The following WAC variants were observed in gnomAD, a reference collection of about 807,000 sequenced individuals.
WAC encodes the protein WW domain containing adaptor with coiled-coil.
In WAC, 11 loss-of-function variants were observed where a neutral mutation model predicts 79.6. The observed-to-expected ratio is 0.14, with a 90% confidence interval of 0.09 to 0.23. The LOEUF is 0.23. WAC is among the 10% of genes least tolerant of loss of function. The probability of loss-of-function intolerance (pLI) is 1.00; values close to 1 mark genes in which losing one functional copy is unlikely to be tolerated. For synonymous variants in WAC, 304 were observed against 276.9 expected (o/e 1.10, Z -0.97); for missense variants, 728 against 773.5 (o/e 0.94, Z 0.70).
At chr10:28,543,708 A>C (rs1047468584) in intron 3 of WAC, among the ~76,000 whole-genome samples, 1 of 152,262 alleles carries the variant, frequency 6.6e-6, no homozygotes, top group African/African-American at 2.4e-5. Flanking sequence ...TTGTTAGTAC[A>C]CGCTCATTGT....
chr10:28,572,380 G>T (rs1383458462), intron 3 of WAC, among the ~76,000 whole-genome samples: 1 of 150,474 alleles, frequency 6.6e-6, no homozygotes, highest in Non-Finnish European at 1.5e-5. Flanking sequence ...TGTGTGCTAT[G>T]ATGGGGGCTT....
chr10:28,534,082 A>G lies in WAC; in HGVS notation c.78+48A>G, dbSNP rs567833342. ...AGGGATTGGAAGGGGCCGGAGGGGGAAGGGAGGGACTGCTACTCGAGCGCA... is the reference window on the plus strand; with the variant it reads ...AGGGATTGGAAGGGGCCGGAGGGGGGAGGGAGGGACTGCTACTCGAGCGCA... On this transcript the variant is annotated intron_variant, in intron 2 of 13. Transcript: ENST00000354911. The G allele has an allele frequency of 8.5e-6, 13 of 1,534,836 alleles. No homozygotes were observed. In the African/African-American group the frequency reaches 1.4e-4, roughly 17 times the overall value.
chr10:28,595,920 T>G lies in WAC; in HGVS notation c.798T>G (p.Ser266Arg). The G allele has an allele frequency of 6.2e-7, 1 of 1,614,152 alleles. No individual in the cohort carries two copies. The highest frequency in any genetic ancestry group is 8.5e-7 in the Non-Finnish European group (1 of 1,180,020). ...PTATPSTVPS[S>R]PFTLQSDHQP... is the part of the protein sequence containing the mutation. ...CTACCCCAAGCACTGTTCCTTCTAG[T>G]CCATTTACGCTACAGTCTGATCACC... The change falls in exon 7 of 14, where the codon AGT (serine) becomes AGG (arginine). Residue 266 changes from serine to arginine, a missense_variant. Physicochemically the swap from Ser to Arg is moderately radical, Grantham distance 110. Coordinates refer to ENST00000354911, the MANE Select transcript of WAC (RefSeq NM_016628.5).
At chr10:28,571,124 T>C (rs1838938130) in intron 3 of WAC, among the ~76,000 whole-genome samples, 1 of 151,436 alleles carries the variant, frequency 6.6e-6, no homozygotes, top group Non-Finnish European at 1.5e-5. Flanking sequence ...CACCTGGGGT[T>C]TCGCCATGTT....
intron 3 of WAC, among the ~76,000 whole-genome samples, chr10:28,572,301 C>T (rs895718514): frequency 2.7e-5 from 4 of 146,716 alleles, no homozygotes; most frequent in Non-Finnish European, 6.0e-5. Context: ...CGCACCACTG[C>T]ACTCCAGCCT....
intron 13 of WAC, among the ~76,000 whole-genome samples, chr10:28,619,016 C>T (rs1431130642): frequency 2.6e-5 from 4 of 152,224 alleles, no homozygotes; most frequent in Non-Finnish European, 5.9e-5. Context: ...CGGTGGCTAA[C>T]GCCTGTAATC....
intron 6 of WAC, among the ~76,000 whole-genome samples, chr10:28,593,819 G>A (rs554010153): frequency 6.6e-5 from 10 of 152,030 alleles, no homozygotes; most frequent in South Asian, 6.2e-4. Flanking sequence ...TTTAATTTGC[G>A]TTTAACTGCT....
chr10:28,542,261 T>C (rs1456230534), intron 3 of WAC, among the ~76,000 whole-genome samples: 1 of 152,004 alleles, frequency 6.6e-6, no homozygotes, highest in Non-Finnish European at 1.5e-5. Context: ...ATTCTCATCA[T>C]TGTCTTTCCT....
intron 3 of WAC, among the ~76,000 whole-genome samples, chr10:28,559,072 T>A (rs750673451): frequency 2.0e-5 from 3 of 152,060 alleles, no homozygotes; most frequent in Non-Finnish European, 2.9e-5. Flanking sequence ...GGCAGCCTAG[T>A]GTGTCAAGTA....
intron 2 of WAC, among the ~76,000 whole-genome samples, chr10:28,534,976 C>A (rs1484546328): frequency 6.6e-6 from 1 of 152,120 alleles, no homozygotes; most frequent in Admixed American, 6.5e-5. Flanking sequence ...GCGCATTATG[C>A]TTAGTTAGAA....
Position 28,535,567 on chromosome 10 carries a change from T to C in WAC, c.84T>C (p.Leu28=). The C allele has an allele frequency of 6.2e-7, 1 of 1,607,684 alleles. No individual in the cohort carries two copies. Among genetic ancestry groups the C allele is most frequent in the Admixed American group, 1.7e-5 (1 of 59,114 alleles). ...GGGGGGGTGATGTTTTACAGGCACTTAAGTATTCATCGAAGAGTCACCCCA... is the reference window on the plus strand; with the variant it reads ...GGGGGGGTGATGTTTTACAGGCACTCAAGTATTCATCGAAGAGTCACCCCA... The part of the protein sequence containing the change: ...RRGDSQPYQA[L]KYSSKSHPSS... The change falls in exon 3 of 14, where the codon CTT becomes CTC. Residue 28 remains leucine, a synonymous_variant. Transcript: ENST00000354911.
chr10:28,546,573 T>A (rs889712358), intron 3 of WAC, among the ~76,000 whole-genome samples: 2 of 152,226 alleles, frequency 1.3e-5, no homozygotes, highest in African/African-American at 2.4e-5. Flanking sequence ...GATTTTTTTT[T>A]AAAGAATAAT....
At chr10:28,569,267 G>A (rs1182873269) in intron 3 of WAC, among the ~76,000 whole-genome samples, 2 of 152,100 alleles carry the variant, frequency 1.3e-5, no homozygotes, top group Admixed American at 6.6e-5. Context: ...ATAGATTTAT[G>A]AGAATTTCGT....
intron 11 of WAC, chr10:28,615,903 C>T (rs1445633947): frequency 6.3e-6 from 2 of 318,676 alleles, no homozygotes; most frequent in South Asian, 9.1e-5. Context: ...GTTTGTGGTA[C>T]ACAAAGTTAA....
At chr10:28,591,086 A>G (rs763393772) in intron 6 of WAC, 138 of 369,724 alleles carry the variant, frequency 3.7e-4, no homozygotes, top group Non-Finnish European at 6.0e-4. Context: ...AAACAGTAAA[A>G]TTTTGTTTTG....
chr10:28,555,427 A>G (rs1210077708), intron 3 of WAC, among the ~76,000 whole-genome samples: 2 of 75,836 alleles, frequency 2.6e-5, no homozygotes, highest in African/African-American at 1.1e-4. Flanking sequence ...TTTAAAGCAC[A>G]GTAAGGAAGA....
intron 3 of WAC, among the ~76,000 whole-genome samples, chr10:28,578,791 G>A (rs1310191248): frequency 1.3e-5 from 2 of 151,988 alleles, no homozygotes; most frequent in Non-Finnish European, 2.9e-5. Context: ...TGCCAAATAG[G>A]GATTATTCTG....
At position 28,606,433 on chromosome 10, in the gene WAC, A is replaced by G. The variant is rs146101852; in HGVS notation, c.920-1753A>G. 2.7e-3 allele frequency among the ~76,000 whole-genome samples: 416 copies of G among 152,338 alleles called. 2 individuals carry two copies. Among genetic ancestry groups the G allele is most frequent in the African/African-American group, 9.5e-3 (394 of 41,580 alleles). On this transcript the variant is annotated intron_variant, in intron 7 of 13. Transcript: ENST00000354911. ...AACAGTAAAGCTGAAAATAATAGGCAGTCTGCTGGATTCAAGCACCTTCCT... is the reference window on the plus strand; with the variant it reads ...AACAGTAAAGCTGAAAATAATAGGCGGTCTGCTGGATTCAAGCACCTTCCT...
rs1841637780 is a variant in WAC, at chr10:28,620,139, T to G, written c.*533T>G. The G allele has an allele frequency of 6.6e-6, 1 of 152,620 alleles. No individual in the cohort carries two copies. Among genetic ancestry groups the G allele is most frequent in the Admixed American group, 6.6e-5 (1 of 15,260 alleles). 9.5% of individuals were successfully genotyped at this position (152,620 alleles called of 1,614,324 possible). ...CTTGCACCTGATCAAGAGCAGTGCT[T>G]CTCCATTTGTTTTGCAGAGAAATGT... On this transcript the variant is annotated 3_prime_UTR_variant, in exon 14 of 14. Transcript: ENST00000354911.
Sources: allele counts gnomAD v4.1 joint callset (sites outside exome capture counted in the v4.1 genomes callset), GRCh38; gene constraint gnomAD v4.1.1; transcripts MANE v1.5; gene names NCBI Gene and HGNC (gene_info 2026-07-23, HGNC 2026-07-21).